The following MGST1 variants were observed in gnomAD, a reference collection of about 807,000 sequenced individuals.
The protein encoded by MGST1 is glutathione S-transferase 12.
In MGST1, 5 loss-of-function variants were observed where a neutral mutation model predicts 8.9. The observed-to-expected ratio is 0.56, with a 90% CI of 0.29 to 1.19. The LOEUF is 1.19. MGST1 is among the 50% of genes most tolerant of loss of function. MGST1 has a pLI of 0.08. For missense variants in MGST1, 182 were observed against 187.4 expected, an observed-to-expected ratio of 0.97 and a Z score of 0.17; for synonymous variants, 54 against 67.8, an observed-to-expected ratio of 0.80 and a Z score of 1.00.
intron 1 of MGST1, among the ~76,000 whole-genome samples, chr12:16,386,573 G>A (rs1358913363): frequency 3.9e-5 from 6 of 152,236 alleles, no homozygotes; most frequent in African/African-American, 1.2e-4. Flanking sequence ...GAAGAATTAC[G>A]AGCTAGCTTT....
rs1940259988 is a variant in MGST1, at chr12:16,369,783, T to A, written c.222-6339T>A. 1.3e-5 allele frequency: 2 copies of A among 152,238 alleles called. No individual in the cohort carries two copies. Among genetic ancestry groups the A allele is most frequent in the Non-Finnish European group, 2.9e-5 (2 of 68,056 alleles). 9.4% of individuals were successfully genotyped at this position (152,238 alleles called of 1,614,324 possible). On this transcript the variant is annotated intron_variant, in intron 3 of 3. Coordinates refer to the MGST1 transcript ENST00000535309. The surrounding 1 kb of genome is among the most constrained non-coding windows in gnomAD (Gnocchi z 4.8). The stretch of plus-strand genomic sequence containing the variant: ...TCTTGCTCCAGTAGGTTAGCCTGAC[T>A]GTGCTATCACAGCATAGGAGCAAGA...
chr12:16,546,169 A>T lies in MGST1; in HGVS notation n.483-43359A>T, dbSNP rs1941822648. ...TACTAAAAGTTATTGAAGATGGGTCATATGAAAATGTTACCTGTTTCAAAT... is the reference window on the plus strand; with the variant it reads ...TACTAAAAGTTATTGAAGATGGGTCTTATGAAAATGTTACCTGTTTCAAAT... On this transcript the variant is annotated intron_variant and non_coding_transcript_variant, in intron 4 of 4. Transcript: ENST00000538857. The surrounding 1 kb of genome is among the most constrained non-coding windows in gnomAD (Gnocchi z 4.7). Among the ~76,000 whole-genome samples, 1 of 152,160 alleles carries T rather than the reference A, an allele frequency of 6.6e-6. No homozygotes were observed. The highest frequency in any genetic ancestry group is 2.1e-4 in the South Asian group (1 of 4,834).
intron 4 of MGST1, chr12:16,514,326 T>C: frequency 3.3e-6 from 1 of 298,714 alleles, no homozygotes. Context: ...GTCCCATGTA[T>C]TCCAACCCTC....
Position 16,363,891 on chromosome 12 carries a change from C to G in MGST1, c.318C>G (p.His106Gln), listed in dbSNP as rs1281207694. 1 of 1,613,960 alleles carries G rather than the reference C, an allele frequency of 6.2e-7. No individual in the cohort carries two copies. The highest frequency in any genetic ancestry group is 8.5e-7 in the Non-Finnish European group (1 of 1,179,896). Residue 106 changes from histidine (H) to glutamine (Q), a missense_variant, in exon 4 of 4, where the codon CAC becomes CAG. Physicochemically the swap from His to Gln is conservative, Grantham distance 24. Coordinates refer to ENST00000396210, the MANE Select transcript of MGST1 (RefSeq NM_020300.5). This position sits in a 1 kb window ranked among gnomAD's most constrained non-coding sequence, Gnocchi z 4.6. ...SGPDPSTAIL[H>Q]FRLFVGARIY... ...CCGACCCCTCTACAGCCATCCTGCA[C>G]TTCAGACTATTTGTCGGAGCACGGA...
Position 16,349,768 on chromosome 12 carries a change from G to A in MGST1, c.-23+2058G>A, listed in dbSNP as rs1407307048. ...CTTTTTTTTTTTTTTTTTTTGAGAC[G>A]GGGTCTCGCACTGTCACCCAGGCTG... is the stretch of plus-strand genomic sequence containing the variant. On this transcript the variant is annotated intron_variant, in intron 1 of 3. Coordinates refer to ENST00000396210, the MANE Select transcript of MGST1 (RefSeq NM_020300.5). Among the ~76,000 whole-genome samples, 6 of 137,644 alleles carry A rather than the reference G, an allele frequency of 4.4e-5. 1 individual carries two copies. The highest frequency in any genetic ancestry group is 7.6e-5 in the Non-Finnish European group (5 of 65,562). The allele number at this position is 137,644 out of a possible 152,430, so 90.3% of individuals were successfully genotyped here.
chr12:16,495,598 G>A (rs1941464648), intron 4 of MGST1, among the ~76,000 whole-genome samples: 1 of 151,958 alleles, frequency 6.6e-6, no homozygotes, highest in African/African-American at 2.4e-5. Flanking sequence ...TTCAGTCTAA[G>A]AGGATAAATT....
At chr12:16,533,418 G>C (rs1359212372) in intron 4 of MGST1, among the ~76,000 whole-genome samples, 1 of 151,928 alleles carries the variant, frequency 6.6e-6, no homozygotes, top group African/African-American at 2.4e-5. Context: ...TGTCTCTCTG[G>C]GTTCTCCTGG....
downstream of MGST1, among the ~76,000 whole-genome samples, chr12:16,440,052 C>T (rs545421458): frequency 2.0e-5 from 3 of 151,892 alleles, no homozygotes; most frequent in South Asian, 2.1e-4. Flanking sequence ...GTGTGATGTT[C>T]TAACTTTCCT....
At chr12:16,520,691 T>C (rs1232126881) in intron 4 of MGST1, among the ~76,000 whole-genome samples, 1 of 152,202 alleles carries the variant, frequency 6.6e-6, no homozygotes, top group African/African-American at 2.4e-5. Flanking sequence ...TCATCTCTAT[T>C]ATGTTCACCT....
chr12:16,454,026 A>G (rs892840574), intron 4 of MGST1, among the ~76,000 whole-genome samples: 17 of 152,102 alleles, frequency 1.1e-4, no homozygotes, highest in African/African-American at 3.9e-4. Context: ...GATGTTTAAC[A>G]TAGAAAGTTA....
rs1221542106 is a variant in MGST1, at chr12:16,500,330, A to G, written n.483-89198A>G. Among the ~76,000 whole-genome samples the G allele has an allele frequency of 1.3e-5, 2 of 152,224 alleles. No individual in the cohort carries two copies. The highest frequency in any genetic ancestry group is 2.9e-5 in the Non-Finnish European group (2 of 68,044). On this transcript the variant is annotated intron_variant and non_coding_transcript_variant, in intron 4 of 4. Coordinates refer to the MGST1 transcript ENST00000538857. The surrounding 1 kb of genome is among the most constrained non-coding windows in gnomAD (Gnocchi z 4.3). ...TATTTGGCTGAGATGCCTGACAGAC[A>G]ACAAATAAACTGGAAAAAGAGAGGT...
intron 4 of MGST1, among the ~76,000 whole-genome samples, chr12:16,474,801 G>A (rs900856640): frequency 6.6e-6 from 1 of 152,184 alleles, no homozygotes; most frequent in African/African-American, 2.4e-5. Flanking sequence ...AGAAGCTAGT[G>A]TGTTTGTGCA....
chr12:16,474,978 G>T (rs1391844334), intron 4 of MGST1, among the ~76,000 whole-genome samples: 1 of 152,158 alleles, frequency 6.6e-6, no homozygotes, highest in Non-Finnish European at 1.5e-5. Context: ...ATCAACCGGT[G>T]CAGTAGGCTA....
chr12:16,516,618 C>T (rs371698712), intron 4 of MGST1, among the ~76,000 whole-genome samples: 11 of 152,072 alleles, frequency 7.2e-5, no homozygotes, highest in Admixed American at 2.0e-4. Flanking sequence ...GCCCACATCA[C>T]GAATCTTGAG....
intron 1 of MGST1, among the ~76,000 whole-genome samples, chr12:16,425,407 T>G (rs1038809810): frequency 1.3e-5 from 2 of 152,094 alleles, no homozygotes; most frequent in African/African-American, 4.8e-5. Context: ...TTCAGCCTCC[T>G]CAAGTAGTGA....
intron 4 of MGST1, among the ~76,000 whole-genome samples, chr12:16,569,546 A>G (rs776163076): frequency 5.3e-5 from 8 of 152,188 alleles, no homozygotes; most frequent in Non-Finnish European, 7.4e-5. Context: ...TGATCAGCAC[A>G]GCAGCCTACT....
At chr12:16,455,860 A>T (rs1166341470) in intron 4 of MGST1, among the ~76,000 whole-genome samples, 1 of 151,924 alleles carries the variant, frequency 6.6e-6, no homozygotes, top group Non-Finnish European at 1.5e-5. Context: ...AATAGTGTAT[A>T]ACCATAAAAT....
At chr12:16,488,066 A>G (rs1000896894) in intron 4 of MGST1, among the ~76,000 whole-genome samples, 1 of 152,190 alleles carries the variant, frequency 6.6e-6, no homozygotes. Context: ...AGTTATTTAG[A>G]GATATTGCAG....
chr12:16,518,378 G>A (rs1350178221), intron 4 of MGST1, among the ~76,000 whole-genome samples: 1 of 152,076 alleles, frequency 6.6e-6, no homozygotes, highest in Non-Finnish European at 1.5e-5. Context: ...ATGACAGAAG[G>A]CTTCTGTGAC....
Sources: allele counts gnomAD v4.1 joint callset (sites outside exome capture counted in the v4.1 genomes callset), GRCh38; gene constraint gnomAD v4.1.1; non-coding constraint Gnocchi (gnomAD v3.1); transcripts MANE v1.5; gene names NCBI Gene and HGNC (gene_info 2026-07-23, HGNC 2026-07-21).